Variants in PSD3 observed in about 807,000 individuals in gnomAD.
PSD3 encodes the protein PH and SEC7 domain-containing protein 3.
PSD3 carries 49 observed loss-of-function variants against 105.5 expected under a neutral mutation model. That is an observed-to-expected ratio of 0.46 (90% CI 0.37 to 0.59). The LOEUF (loss-of-function observed/expected upper bound fraction) is 0.59. Among genes scored for constraint, PSD3 ranks in the 20% least tolerant of loss-of-function variants. The pLI, the probability that PSD3 is intolerant of heterozygous loss-of-function variation, is 0.00. For synonymous variants in PSD3, 557 were observed against 457.8 expected (o/e 1.22, Z -2.77); for missense variants, 1,561 against 1,263.8 (o/e 1.24, Z -3.57).
At chr8:18,709,946 G>A (rs564532381) in intron 9 of PSD3, among the ~76,000 whole-genome samples, 2 of 152,278 alleles carry the variant, frequency 1.3e-5, no homozygotes, top group African/African-American at 4.8e-5. Context: ...TCCTCCAAAT[G>A]ATTGCACCAC....
intron 1 of PSD3, among the ~76,000 whole-genome samples, chr8:18,986,906 C>T (rs78504264): frequency 2.0e-5 from 3 of 152,024 alleles, no homozygotes; most frequent in African/African-American, 7.3e-5. Flanking sequence ...CACCGTGGGC[C>T]TACTTTAACC....
chr8:18,804,389 G>C, intron 6 of PSD3, 133 bp downstream of exon 6: 1 of 756,220 alleles, frequency 1.3e-6, no homozygotes, highest in Non-Finnish European at 2.0e-6. Flanking sequence ...CAAACATTTT[G>C]GAGAAGGAAT....
intron 9 of PSD3, among the ~76,000 whole-genome samples, chr8:18,679,533 C>CT (rs1411263331): frequency 6.6e-6 from 1 of 152,202 alleles, no homozygotes; most frequent in African/African-American, 2.4e-5. Flanking sequence ...CTAGCTCAGT[C>CT]TTTAAGGTTC....
intron 10 of PSD3, among the ~76,000 whole-genome samples, chr8:18,647,617 T>A (rs1808142587): frequency 1.3e-5 from 2 of 152,136 alleles, no homozygotes; most frequent in Admixed American, 1.3e-4. Context: ...TTTTTTTTTT[T>A]TTTTGGCTGA....
intron 9 of PSD3, among the ~76,000 whole-genome samples, chr8:18,755,429 C>CCATAACAT (rs1554490327): frequency 1.5e-5 from 2 of 136,786 alleles, no homozygotes; most frequent in African/African-American, 5.5e-5. Context: ...GACCCTGTCT[C>CCATAACAT]AACATAACAT....
At chr8:18,745,723 T>C (rs1198091362) in intron 9 of PSD3, among the ~76,000 whole-genome samples, 1 of 152,218 alleles carries the variant, frequency 6.6e-6, no homozygotes, top group African/African-American at 2.4e-5. Context: ...AAGAAATATA[T>C]GCAGGCGTAT....
At chr8:18,549,330 T>G (rs944868475) in intron 15 of PSD3, among the ~76,000 whole-genome samples, 16 of 152,090 alleles carry the variant, frequency 1.1e-4, no homozygotes, top group Admixed American at 1.3e-4. Flanking sequence ...TACAGGCATG[T>G]GCCACAACAC....
intron 11 of PSD3, among the ~76,000 whole-genome samples, chr8:18,626,793 C>G (rs1405748848): frequency 1.3e-5 from 2 of 152,010 alleles, no homozygotes; most frequent in African/African-American, 4.8e-5. Flanking sequence ...ATTGAAAATC[C>G]AACAAATGAG....
In PSD3 at chr8:18,804,877, T is replaced by C. The variant is rs768276153; in HGVS notation, c.1656A>G (p.Thr552=). The part of the protein sequence containing the change: ...FWGSNAGVKT[T]RLEAHSEMGS... ...CCATTTCAGAATGAGCTTCTAGCCGTGTTGTTTTCACCCCAGCATTGCTAT... is the reference window on the plus strand; with the variant it reads ...CCATTTCAGAATGAGCTTCTAGCCGCGTTGTTTTCACCCCAGCATTGCTAT... The change falls in exon 5 of 16, where the codon ACA becomes ACG. Residue 552 remains threonine, a synonymous_variant. Coordinates refer to ENST00000327040, the MANE Select transcript of PSD3 (RefSeq NM_015310.4). 8 of 1,611,998 alleles carry C rather than the reference T, an allele frequency of 5.0e-6. No individual in the cohort carries two copies. Among genetic ancestry groups the C allele is most frequent in the Non-Finnish European group, 5.1e-6 (6 of 1,178,398 alleles).
At chr8:18,605,405 A>C (rs1804747147) in intron 11 of PSD3, among the ~76,000 whole-genome samples, 1 of 151,890 alleles carries the variant, frequency 6.6e-6, no homozygotes, top group Non-Finnish European at 1.5e-5. Context: ...TTCCTTTTGG[A>C]ATGGGAATAT....
At chr8:18,971,563 C>G (rs1237869601) in intron 1 of PSD3, among the ~76,000 whole-genome samples, 1 of 152,142 alleles carries the variant, frequency 6.6e-6, no homozygotes, top group African/African-American at 2.4e-5. Flanking sequence ...AGGCTGCAGC[C>G]CCCGGGCTTC....
intron 9 of PSD3, among the ~76,000 whole-genome samples, chr8:18,680,493 A>C (rs1800321024): frequency 6.6e-6 from 1 of 152,168 alleles, no homozygotes; most frequent in Admixed American, 6.5e-5. Flanking sequence ...AATAACAGAC[A>C]CCCAATGAAG....
chr8:18,843,593 T>C (rs1814831962), intron 4 of PSD3, among the ~76,000 whole-genome samples: 1 of 152,128 alleles, frequency 6.6e-6, no homozygotes, highest in African/African-American at 2.4e-5. Context: ...ACAATTTCAG[T>C]CCTCACCTAA....
chr8:18,732,817 CTTTTT>C (rs1301230764), intron 9 of PSD3: 7 of 149,406 alleles, frequency 4.7e-5, no homozygotes, highest in African/African-American at 1.7e-4. Context: ...TCATTTCTTC[CTTTTT>C]TTTTTATTTT....
At chr8:18,748,868 G>A (rs1805246254) in intron 9 of PSD3, among the ~76,000 whole-genome samples, 1 of 152,124 alleles carries the variant, frequency 6.6e-6, no homozygotes, top group African/African-American at 2.4e-5. Flanking sequence ...TAAGCCCTGT[G>A]GGGCAATACA....
At chr8:18,670,924 A>C (rs1799750268) in intron 9 of PSD3, among the ~76,000 whole-genome samples, 1 of 152,188 alleles carries the variant, frequency 6.6e-6, no homozygotes, top group African/African-American at 2.4e-5. Context: ...TGTTGACCAC[A>C]CAGTGTACAC....
At position 18,699,209 on chromosome 8, in the gene PSD3, A is replaced by G. The variant is rs577339082; in HGVS notation, c.2173-43524T>C. The stretch of plus-strand genomic sequence containing the variant: ...CAGGCCAAGCTTTTTAAGAGCCACT[A>G]CTCATTTTACTTTTACAGGCCAAAT... On this transcript the variant is annotated intron_variant, in intron 9 of 15. Coordinates refer to ENST00000327040, the MANE Select transcript of PSD3 (RefSeq NM_015310.4). Among the ~76,000 whole-genome samples the G allele has an allele frequency of 4.6e-5, 7 of 152,274 alleles. No homozygotes were observed. In the East Asian group the frequency reaches 1.3e-3, roughly 29 times the overall value.
chr8:18,667,040 C>T (rs547270642), intron 9 of PSD3, among the ~76,000 whole-genome samples: 4 of 152,116 alleles, frequency 2.6e-5, no homozygotes, highest in Admixed American at 6.5e-5. Flanking sequence ...TTCGTGGTCT[C>T]GCTGGCTTCA....
At chr8:19,047,707 A>T (rs1266385628) in intron 1 of PSD3, among the ~76,000 whole-genome samples, 1 of 152,026 alleles carries the variant, frequency 6.6e-6, no homozygotes, top group African/African-American at 2.4e-5. Flanking sequence ...CTCAGTAGGG[A>T]TGTGTTGAAT....
Sources: gnomAD v4.1 joint callset for allele counts (sites outside exome capture counted in the v4.1 genomes callset) on GRCh38, gnomAD v4.1.1 for gene constraint, MANE v1.5 for transcripts, NCBI Gene and HGNC (gene_info 2026-07-23, HGNC 2026-07-21) for gene names.